The following C2CD3 variants were observed in gnomAD, a reference collection of about 807,000 sequenced individuals.
C2CD3 encodes C2 domain containing 3 centriole elongation regulator.
C2CD3 carries 148 observed loss-of-function variants against 234.0 expected under a neutral mutation model. The ratio of observed to expected loss-of-function variants is 0.63; its 90% confidence interval spans 0.55 to 0.72. The LOEUF (loss-of-function observed/expected upper bound fraction) is 0.72, where lower values mean the gene tolerates loss of function less well. C2CD3 is among the 30% of genes least tolerant of loss of function. The pLI is 0.00. For missense variants in C2CD3, 2,577 were observed against 2,811.5 expected (o/e 0.92, Z 1.89); for synonymous variants, 1,000 against 1,035.4 (o/e 0.97, Z 0.66).
chr11:74,119,989 T>C (rs746610628), intron 8 of C2CD3, among the ~76,000 whole-genome samples: 12 of 152,110 alleles, frequency 7.9e-5, no homozygotes, highest in East Asian at 1.9e-4. Flanking sequence ...AAGTTATCCT[T>C]TGAGTGGCAG....
intron 1 of C2CD3, among the ~76,000 whole-genome samples, chr11:74,169,848 G>A (rs578047603): frequency 5.8e-4 from 88 of 152,268 alleles, no homozygotes; most frequent in African/African-American, 2.0e-3. Context: ...GCTTGGATAA[G>A]AGTAATTCCC....
intron 17 of C2CD3, 64 bp downstream of exon 17, chr11:74,095,164 A>C (rs956593443): frequency 1.8e-6 from 2 of 1,122,352 alleles, no homozygotes; most frequent in Non-Finnish European, 2.4e-6. Context: ...GAAAAAAAAA[A>C]CTCTTAAGTA....
At chr11:74,020,112 G>C (rs565215490) in intron 32 of C2CD3, among the ~76,000 whole-genome samples, 1 of 152,328 alleles carries the variant, frequency 6.6e-6, no homozygotes, top group Non-Finnish European at 1.5e-5. Context: ...TAATCCAGGG[G>C]CCCATTCATG....
intron 7 of C2CD3, among the ~76,000 whole-genome samples, chr11:74,127,576 G>T (rs1355350185): frequency 6.6e-6 from 1 of 151,994 alleles, no homozygotes; most frequent in East Asian, 1.9e-4. Context: ...TTTCCCTTGG[G>T]TATATAGCTA....
chr11:74,168,733 A>C lies in C2CD3; in HGVS notation c.56-120T>G, dbSNP rs368083421. 35 of 868,736 alleles carry C rather than the reference A, an allele frequency of 4.0e-5. No individual in the cohort carries two copies. In the Admixed American group the frequency reaches 8.6e-4, roughly 21 times the overall value. The allele number at this position is 868,736 out of a possible 1,614,324, so 53.8% of individuals were successfully genotyped here. On this transcript the variant is annotated intron_variant, in intron 1 of 32. Transcript: ENST00000334126. ...GTCTTAAGTTCAGCAATTTATCACC[A>C]CTTAGAAAGAAGGTTTATCCTACCC...
At chr11:74,040,884 C>G (rs560740935) in intron 29 of C2CD3, among the ~76,000 whole-genome samples, 88 of 151,410 alleles carry the variant, frequency 5.8e-4, no homozygotes, top group African/African-American at 2.1e-3. Context: ...GCATAGGAAG[C>G]CTTTATCTAT....
intron 21 of C2CD3, 78 bp from the exon 22 acceptor site, chr11:74,085,048 C>A: frequency 1.3e-6 from 1 of 757,264 alleles, no homozygotes. Context: ...ATCCACACAA[C>A]CCTCCCCTTA....
intron 3 of C2CD3, among the ~76,000 whole-genome samples, chr11:74,145,862 A>G (rs1855148566): frequency 6.6e-6 from 1 of 152,186 alleles, no homozygotes; most frequent in South Asian, 2.1e-4. Flanking sequence ...TGTTCTTTGA[A>G]CATACTGAAG....
intron 19 of C2CD3, among the ~76,000 whole-genome samples, chr11:74,091,776 T>A (rs1955902398): frequency 6.6e-6 from 1 of 152,168 alleles, no homozygotes; most frequent in Non-Finnish European, 1.5e-5. Flanking sequence ...ATTTATGGCA[T>A]GAGGGCTTAT....
intron 29 of C2CD3, among the ~76,000 whole-genome samples, chr11:74,041,220 T>C (rs1439868536): frequency 3.3e-5 from 5 of 152,198 alleles, no homozygotes; most frequent in Non-Finnish European, 7.3e-5. Context: ...GTAATAATTC[T>C]TAGTCTGACA....
intron 24 of C2CD3, among the ~76,000 whole-genome samples, chr11:74,058,582 T>C (rs1954067100): frequency 6.6e-6 from 1 of 152,214 alleles, no homozygotes. Flanking sequence ...TCAAGCATTC[T>C]GGCTCCAGAG....
chr11:74,147,378 C>A (rs1261185748), intron 3 of C2CD3, among the ~76,000 whole-genome samples: 1 of 152,130 alleles, frequency 6.6e-6, no homozygotes, highest in African/African-American at 2.4e-5. Context: ...GATCTAACCA[C>A]TGCATTCCAG....
At chr11:74,068,025 GA>G (rs1954623963) in intron 24 of C2CD3, among the ~76,000 whole-genome samples, 1 of 152,156 alleles carries the variant, frequency 6.6e-6, no homozygotes, top group South Asian at 2.1e-4. Flanking sequence ...TGGCTATGAC[GA>G]GAGCTTCTGA....
At chr11:74,066,436 A>AAAAGAAAG (rs10624836) in intron 24 of C2CD3, among the ~76,000 whole-genome samples, 17 of 150,246 alleles carry the variant, frequency 1.1e-4, no homozygotes, top group African/African-American at 2.0e-4. Flanking sequence ...AAAAAAGTCA[A>AAAAGAAAG]AAAGAAAGAA....
At chr11:74,073,803 G>C (rs1322757142) in intron 24 of C2CD3, among the ~76,000 whole-genome samples, 2 of 152,098 alleles carry the variant, frequency 1.3e-5, no homozygotes, top group Admixed American at 6.5e-5. Flanking sequence ...ATTTTAGCTA[G>C]AGGTTGCTAA....
intron 6 of C2CD3, 60 bp downstream of exon 6, chr11:74,133,365 A>C (rs1230258472): frequency 4.0e-6 from 6 of 1,496,716 alleles, no homozygotes; most frequent in Non-Finnish European, 4.6e-6. Flanking sequence ...TTGACAAAAA[A>C]CACAGGTTAA....
intron 26 of C2CD3, among the ~76,000 whole-genome samples, chr11:74,051,042 T>C (rs1349243039): frequency 6.6e-6 from 1 of 151,214 alleles, no homozygotes; most frequent in Non-Finnish European, 1.5e-5. Flanking sequence ...ACCCCAGCAC[T>C]TTGGGAGGTT....
In C2CD3 at chr11:74,042,112, C is replaced by A. The variant is rs142851617; in HGVS notation, c.5602G>T (p.Asp1868Tyr). 3 of 1,613,586 alleles carry A rather than the reference C, an allele frequency of 1.9e-6. No homozygotes were observed. Among genetic ancestry groups the A allele is most frequent in the Non-Finnish European group, 2.5e-6 (3 of 1,180,010 alleles). The change falls in exon 29 of 33, where the codon GAT becomes TAT. Residue 1868 changes from aspartate to tyrosine, a missense_variant. Asp to Tyr is a radical substitution (Grantham distance 160). Transcript: ENST00000334126. The part of the protein sequence containing the change: ...HLQGEAPLPC[D>Y]DKLTTSPLSS... ...AAAGGTGATGTGGTCAGTTTGTCAT[C>A]ACATGGCAAGGGTGCCTCTCCCTGA... is the stretch of plus-strand genomic sequence containing the variant.
intron 28 of C2CD3, among the ~76,000 whole-genome samples, chr11:74,042,562 G>A (rs1953121687): frequency 6.6e-6 from 1 of 152,134 alleles, no homozygotes; most frequent in African/African-American, 2.4e-5. Flanking sequence ...AGACCAGCCT[G>A]GTCAATATGG....
Sources: allele counts gnomAD v4.1 joint callset (sites outside exome capture counted in the v4.1 genomes callset), GRCh38; gene constraint gnomAD v4.1.1; transcripts MANE v1.5; gene names NCBI Gene and HGNC (gene_info 2026-07-23, HGNC 2026-07-21).